Variants in WDHD1 observed in about 807,000 individuals in gnomAD.
WDHD1 encodes WD repeat and HMG-box DNA binding protein 1.
In WDHD1, 111 loss-of-function variants were observed where a neutral mutation model predicts 135.4. That is an observed-to-expected ratio of 0.82 (90% CI 0.70 to 0.96). The LOEUF (loss-of-function observed/expected upper bound fraction) is 0.96, where lower values mean the gene tolerates loss of function less well. WDHD1 is among the 40% of genes least tolerant of loss of function. WDHD1 has a pLI of 0.00. For missense variants in WDHD1, 1,351 were observed against 1,336.3 expected, an observed-to-expected ratio of 1.01 and a Z score of -0.17; for synonymous variants, 434 against 439.0, an observed-to-expected ratio of 0.99 and a Z score of 0.14.
chr14:54,998,227 T>C (rs1343977676), intron 10 of WDHD1, among the ~76,000 whole-genome samples: 1 of 151,944 alleles, frequency 6.6e-6, no homozygotes, highest in Non-Finnish European at 1.5e-5. Flanking sequence ...AAATTTTTAA[T>C]GGAGGACTGT....
At chr14:55,026,272 T>C (rs112944183) in intron 2 of WDHD1, among the ~76,000 whole-genome samples, 5,688 of 152,026 alleles carry the variant, frequency 0.037, 138 homozygotes, top group South Asian at 0.062. Flanking sequence ...TAGGAAAATA[T>C]TATAGTTTAG....
In WDHD1 at chr14:54,990,908, C is replaced by T. The variant is rs183238152; in HGVS notation, c.1341+305G>A. ...AGTATAATCTTCTATGTAACAATGA[C>T]CATGAAGAATAAGGTTTGAAAGTAT... On this transcript the variant is annotated intron_variant, in intron 12 of 25. Transcript: ENST00000360586. 3.3e-3 allele frequency among the ~76,000 whole-genome samples: 501 copies of T among 152,042 alleles called. 4 individuals are homozygous for T. Among genetic ancestry groups the T allele is most frequent in the African/African-American group, 0.012 (483 of 41,462 alleles).
chr14:55,010,161 T>C, intron 4 of WDHD1, 148 bp downstream of exon 4: 1 of 860,156 alleles, frequency 1.2e-6, no homozygotes, highest in Non-Finnish European at 1.6e-6. Context: ...AAGTTTGTCC[T>C]CAAAAACCTT....
intron 10 of WDHD1, among the ~76,000 whole-genome samples, chr14:54,997,462 G>A (rs1394693230): frequency 6.6e-6 from 1 of 152,110 alleles, no homozygotes; most frequent in African/African-American, 2.4e-5. Context: ...AATAAAATGA[G>A]ATGAAAAAGT....
rs1331342030 is a variant in WDHD1 at position 54,957,223 on chromosome 14, T to G, written c.2746-19A>C. The G allele has an allele frequency of 6.3e-6, 10 of 1,596,372 alleles. No individual in the cohort carries two copies. Among genetic ancestry groups the G allele is most frequent in the Non-Finnish European group, 8.5e-6 (10 of 1,171,362 alleles). Reference sequence around the variant, plus strand: ...CTGATACCTAAAGAGCAAACTAGTGTTAGCACTGTATGTTTAAAGAAGAAA... The same window carrying G: ...CTGATACCTAAAGAGCAAACTAGTGGTAGCACTGTATGTTTAAAGAAGAAA... On this transcript the variant is annotated intron_variant, in intron 22 of 25. Coordinates refer to ENST00000360586, the MANE Select transcript of WDHD1 (RefSeq NM_007086.4).
rs2140159234 is a variant in WDHD1 at position 54,955,644 on chromosome 14, A to G, written c.2967T>C (p.Thr989=). 6.3e-7 allele frequency: 1 copy of G among 1,589,276 alleles called. No individual in the cohort carries two copies. The highest frequency in any genetic ancestry group is 2.3e-5 in the East Asian group (1 of 42,808). ...FQKRNSQTNK[T]EEVKEENLKN... ...TAAGATTTTCTTCTTTCACTTCCTC[A>G]GTTTTATTAGTTTGAGAATTTCTTT... Residue 989 remains threonine, a synonymous_variant, in exon 24 of 26, where the codon ACT becomes ACC. Transcript: ENST00000360586.
intron 24 of WDHD1, among the ~76,000 whole-genome samples, chr14:54,945,251 A>C (rs1329254341): frequency 6.6e-6 from 1 of 152,180 alleles, no homozygotes; most frequent in Non-Finnish European, 1.5e-5. Context: ...ACATTTGTAC[A>C]TTTCATTAGA....
At chr14:55,006,053 G>A (rs989115756) in intron 7 of WDHD1, among the ~76,000 whole-genome samples, 2 of 151,722 alleles carry the variant, frequency 1.3e-5, no homozygotes, top group Non-Finnish European at 2.9e-5. Flanking sequence ...TTGTGGAGAC[G>A]AGGTCTTGCT....
chr14:54,995,444 T>G (rs112710499), intron 11 of WDHD1, among the ~76,000 whole-genome samples, 159 bp downstream of exon 11: 4 of 152,334 alleles, frequency 2.6e-5, no homozygotes, highest in African/African-American at 9.6e-5. Flanking sequence ...GGATTATAGA[T>G]TTGAAACCTT....
rs192847239 is a variant in WDHD1 at position 54,995,980 on chromosome 14, T to C, written c.943-167A>G. Among the ~76,000 whole-genome samples, 138 of 152,320 alleles carry C rather than the reference T, an allele frequency of 9.1e-4. No individual in the cohort carries two copies. The Middle Eastern group carries it at 0.014, about 15-fold the overall frequency. ...GTATTTATGAGAATTGTATTTATAT[T>C]TACACAATAAGACCCAGTCCTTATT... is the stretch of plus-strand genomic sequence containing the variant. On this transcript the variant is annotated intron_variant, in intron 10 of 25. Transcript: ENST00000360586.
chr14:54,973,353 T>C (rs1246652365), intron 16 of WDHD1, among the ~76,000 whole-genome samples: 1 of 152,164 alleles, frequency 6.6e-6, no homozygotes, highest in Non-Finnish European at 1.5e-5. Context: ...TAAGTGACAA[T>C]GTCTAGTATT....
At chr14:54,971,986 A>G (rs912754479) in intron 16 of WDHD1, among the ~76,000 whole-genome samples, 4 of 152,200 alleles carry the variant, frequency 2.6e-5, no homozygotes, top group African/African-American at 9.6e-5. Flanking sequence ...CAGTAGTTTC[A>G]GACCAGCCTG....
intron 13 of WDHD1, among the ~76,000 whole-genome samples, chr14:54,988,176 A>T (rs1214552075): frequency 6.6e-6 from 1 of 152,146 alleles, no homozygotes; most frequent in Non-Finnish European, 1.5e-5. Flanking sequence ...ACATCCAAAA[A>T]ATATTAAGTA....
At chr14:55,013,972 C>T (rs183968558) in intron 2 of WDHD1, among the ~76,000 whole-genome samples, 21 of 152,192 alleles carry the variant, frequency 1.4e-4, no homozygotes, top group Admixed American at 1.2e-3. Flanking sequence ...TCTATATTTA[C>T]CACTTTTTCA....
intron 24 of WDHD1, among the ~76,000 whole-genome samples, chr14:54,951,739 C>T (rs1396128607): frequency 6.6e-6 from 1 of 152,142 alleles, no homozygotes; most frequent in Non-Finnish European, 1.5e-5. Context: ...AACATCGATG[C>T]AAAAATCCTC....
At chr14:54,977,464 G>A (rs970075101) in intron 16 of WDHD1, among the ~76,000 whole-genome samples, 5 of 152,170 alleles carry the variant, frequency 3.3e-5, no homozygotes, top group Admixed American at 6.5e-5. Flanking sequence ...ACTTTGGGAG[G>A]CCAAGGTGGG....
At chr14:54,994,983 TC>T (rs2041853615) in intron 11 of WDHD1, among the ~76,000 whole-genome samples, 2 of 152,134 alleles carry the variant, frequency 1.3e-5, no homozygotes, top group South Asian at 4.1e-4. Context: ...ATTTTATTGA[TC>T]TTTTCTTTTC....
At chr14:54,965,295 G>A (rs2041322891) in intron 18 of WDHD1, among the ~76,000 whole-genome samples, 2 of 152,182 alleles carry the variant, frequency 1.3e-5, no homozygotes, top group Admixed American at 6.5e-5. Flanking sequence ...AACCAACCTT[G>A]AGTGGGGACA....
chr14:54,975,297 G>C (rs1237731372), intron 16 of WDHD1, among the ~76,000 whole-genome samples: 4 of 151,962 alleles, frequency 2.6e-5, no homozygotes, highest in African/African-American at 9.7e-5. Flanking sequence ...CTGAAGTTCA[G>C]CTCAAAGGGG....
Sources: allele counts gnomAD v4.1 joint callset (sites outside exome capture counted in the v4.1 genomes callset), GRCh38; gene constraint gnomAD v4.1.1; transcripts MANE v1.5; gene names NCBI Gene and HGNC (gene_info 2026-07-23, HGNC 2026-07-21).